The following DPEP1 variants were observed in gnomAD, a reference collection of about 807,000 sequenced individuals.
The protein encoded by DPEP1 is beta-lactamase.
In DPEP1, 50 loss-of-function variants were observed where a neutral mutation model predicts 42.3. The observed-to-expected ratio is 1.18, with a 90% CI of 0.94 to 1.50. DPEP1 has a LOEUF of 1.50. Ranked by LOEUF, DPEP1 falls within the 40% of genes most tolerant of loss-of-function variation. The probability of loss-of-function intolerance (pLI) is 0.00; values close to 1 mark genes in which losing one functional copy is unlikely to be tolerated. For missense variants in DPEP1, 663 were observed against 553.0 expected (o/e 1.20, Z -1.99); for synonymous variants, 297 against 234.0 (o/e 1.27, Z -2.46).
chr16:89,637,476 A>C lies in DPEP1; in HGVS notation c.777A>C (p.Thr259=). 6.2e-7 allele frequency: 1 copy of C among 1,612,844 alleles called. No individual in the cohort carries two copies. Among genetic ancestry groups the C allele is most frequent in the Non-Finnish European group, 8.5e-7 (1 of 1,179,976 alleles). The change falls in exon 8 of 11, where the codon ACA becomes ACC. Residue 259 remains threonine (T), a synonymous_variant. Coordinates refer to ENST00000690203, the MANE Select transcript of DPEP1 (RefSeq NM_001389466.1). ...TCTTCCTTCTTGTGCAGAAACAGACAGACAGCCTGGTGATGGTGAACTTCT... is the reference window on the plus strand; with the variant it reads ...TCTTCCTTCTTGTGCAGAAACAGACCGACAGCCTGGTGATGGTGAACTTCT... ...PDDVLRLVKQ[T]DSLVMVNFYN...
In DPEP1 at chr16:89,636,888, A is replaced by ACGGGAGACAGCGAGCC. The variant is rs1365055006; in HGVS notation, c.546_561dup (p.Gln188GlyfsTer68). ...CAGGGCTGACAACTGGCTGGTGGACACGGGAGACAGCGAGCCCCAGAGCCA... is the reference window on the plus strand; with the variant it reads ...CAGGGCTGACAACTGGCTGGTGGACACGGGAGACAGCGAGCCCGGGAGACAGCGAGCCCCAGAGCCA... On this transcript the variant is annotated frameshift_variant, in exon 6 of 11. Coordinates refer to ENST00000690203, the MANE Select transcript of DPEP1 (RefSeq NM_001389466.1). LOFTEE classifies it high-confidence loss of function. The ACGGGAGACAGCGAGCC allele has an allele frequency of 6.8e-6, 11 of 1,612,480 alleles. No individual in the cohort carries two copies. Among genetic ancestry groups the ACGGGAGACAGCGAGCC allele is most frequent in the Non-Finnish European group, 9.3e-6 (11 of 1,179,938 alleles).
intron 1 of DPEP1, among the ~76,000 whole-genome samples, chr16:89,629,053 C>T (rs2059551707): frequency 6.6e-6 from 1 of 152,180 alleles, no homozygotes; most frequent in Admixed American, 6.6e-5. Flanking sequence ...TCTTGAACTC[C>T]TGACCTCAAG....
At chr16:89,628,346 C>A (rs563749023) in intron 1 of DPEP1, among the ~76,000 whole-genome samples, 1 of 150,720 alleles carries the variant, frequency 6.6e-6, no homozygotes, top group Non-Finnish European at 1.5e-5. Flanking sequence ...CATCCTCCAC[C>A]TCCCGGATTC....
In DPEP1 at chr16:89,635,990, G is replaced by T. The variant is rs771945016; in HGVS notation, c.187G>T (p.Gly63Cys). The T allele has an allele frequency of 6.2e-7, 1 of 1,612,264 alleles. No homozygotes were observed. The change falls in exon 3 of 11, where the codon GGC (glycine) becomes TGC (cysteine). Residue 63 changes from glycine (G) to cysteine (C), a missense_variant. Gly to Cys is a radical substitution (Grantham distance 159, BLOSUM62 -3). Coordinates refer to ENST00000690203, the MANE Select transcript of DPEP1 (RefSeq NM_001389466.1). ...DERANLTTLA[G>C]THTNIPKLRA... ...GAGGGCCAACCTGACCACCTTGGCC[G>T]GCACACACACCAACATCCCCAAGCT...
At chr16:89,622,955 G>A (rs2059464680) in intron 1 of DPEP1, among the ~76,000 whole-genome samples, 1 of 152,136 alleles carries the variant, frequency 6.6e-6, no homozygotes, top group Non-Finnish European at 1.5e-5. Context: ...GGGAGCCAGA[G>A]AGGAGCTCAG....
At chr16:89,630,159 A>G in intron 1 of DPEP1, 146 bp from the exon 2 acceptor site, 1 of 340,058 alleles carries the variant, frequency 2.9e-6, no homozygotes, top group Non-Finnish European at 5.5e-6. Context: ...CCAGACAGCA[A>G]CGCCCAGTCA....
chr16:89,638,273 C>T lies in DPEP1; in HGVS notation c.*51C>T, dbSNP rs764445800. On this transcript the variant is annotated 3_prime_UTR_variant, in exon 11 of 11. Coordinates refer to ENST00000690203, the MANE Select transcript of DPEP1 (RefSeq NM_001389466.1). The stretch of plus-strand genomic sequence containing the variant: ...AGGGTTCCCGGAGCTCCGGGAAGAC[C>T]CGCCCATCCCAGGACTCCAGATGCC... 4.7e-6 allele frequency: 7 copies of T among 1,488,682 alleles called. No homozygotes were observed. Among genetic ancestry groups the T allele is most frequent in the Non-Finnish European group, 6.2e-6 (7 of 1,121,450 alleles). 92.2% of individuals were successfully genotyped at this position (1,488,682 alleles called of 1,614,324 possible). A position where few individuals can be genotyped will look rare whatever the true frequency, so the allele number is the denominator to read the frequency against.
At chr16:89,614,485 G>A (rs562855176) in intron 1 of DPEP1, among the ~76,000 whole-genome samples, 117 of 152,340 alleles carry the variant, frequency 7.7e-4, no homozygotes, top group Middle Eastern at 3.4e-3. Flanking sequence ...CAGGTGGAAA[G>A]GATTTGCTGA....
Position 89,630,526 on chromosome 16 carries a change from C to A in DPEP1, c.104+12C>A. The stretch of plus-strand genomic sequence containing the variant: ...CCTGTCATTGATGGGTGAGTGCTCA[C>A]CTGAGCCAGGTGCTTAGGGAACCAG... On this transcript the variant is annotated intron_variant, in intron 2 of 10. Coordinates refer to ENST00000690203, the MANE Select transcript of DPEP1 (RefSeq NM_001389466.1). 1 of 1,551,940 alleles carries A rather than the reference C, an allele frequency of 6.4e-7. No individual in the cohort carries two copies. Among genetic ancestry groups the A allele is most frequent in the Non-Finnish European group, 8.7e-7 (1 of 1,146,516 alleles).
chr16:89,630,242 A>G (rs1014236710), intron 1 of DPEP1, 63 bp from the exon 2 acceptor site: 9 of 496,800 alleles, frequency 1.8e-5, no homozygotes, highest in African/African-American at 1.6e-4. Context: ...ATGGGAAGCT[A>G]TAAACAGGAG....
At chr16:89,633,990 C>A (rs1014346928) in intron 2 of DPEP1, among the ~76,000 whole-genome samples, 1 of 152,204 alleles carries the variant, frequency 6.6e-6, no homozygotes, top group Non-Finnish European at 1.5e-5. Flanking sequence ...CCCTTCCCAT[C>A]CTCCTCACAG....
chr16:89,626,997 C>T (rs2059521926), intron 1 of DPEP1, among the ~76,000 whole-genome samples: 1 of 151,844 alleles, frequency 6.6e-6, no homozygotes, highest in Non-Finnish European at 1.5e-5. Context: ...TATGGTGGCT[C>T]ACACCTGTAA....
chr16:89,638,543 C>T (rs1237165204), downstream of DPEP1: 3 of 1,140,370 alleles, frequency 2.6e-6, no homozygotes, highest in East Asian at 4.8e-5. Context: ...GTCTTCGGTC[C>T]AGGCCAGAAG....
At chr16:89,614,397 C>T (rs949273050) in intron 1 of DPEP1, among the ~76,000 whole-genome samples, 4 of 152,236 alleles carry the variant, frequency 2.6e-5, no homozygotes, top group Middle Eastern at 3.2e-3. Flanking sequence ...ACTCTCTGTT[C>T]TGGAATTCTC....
chr16:89,641,129 C>T (rs922605163), downstream of DPEP1, among the ~76,000 whole-genome samples: 16 of 152,206 alleles, frequency 1.1e-4, no homozygotes, highest in African/African-American at 1.4e-4. Context: ...AAGGCAGAGC[C>T]AGGCGTACTG....
At chr16:89,619,980 A>T (rs1046561917) in intron 1 of DPEP1, among the ~76,000 whole-genome samples, 3 of 142,810 alleles carry the variant, frequency 2.1e-5, no homozygotes, top group Non-Finnish European at 4.6e-5. Flanking sequence ...GGGGTCCGGG[A>T]TAGGCCTGGC....
chr16:89,640,591 C>T (rs1369845565), downstream of DPEP1: 2 of 982,188 alleles, frequency 2.0e-6, no homozygotes, highest in Non-Finnish European at 2.4e-6. Flanking sequence ...GTTCCCCTCC[C>T]AGCCTGGCTG....
At position 89,638,034 on chromosome 16, in the gene DPEP1, G is replaced by C. The variant is rs182592284; in HGVS notation, c.1066-18G>C. Reference sequence around the variant, plus strand: ...CACCAGCAGGCAGGCTGCCCCACCCGTGTCTGTCTGTCCCCAGGCCAGCAA... The same window carrying C: ...CACCAGCAGGCAGGCTGCCCCACCCCTGTCTGTCTGTCCCCAGGCCAGCAA... On this transcript the variant is annotated intron_variant, in intron 10 of 10. Coordinates refer to ENST00000690203, the MANE Select transcript of DPEP1 (RefSeq NM_001389466.1). The C allele has an allele frequency of 4.0e-4, 643 of 1,611,240 alleles. 2 individuals are homozygous for C. The African/African-American group carries it at 7.7e-3, about 19-fold the overall frequency.
chr16:89,615,913 A>G (rs903253462), intron 1 of DPEP1, among the ~76,000 whole-genome samples: 4 of 152,014 alleles, frequency 2.6e-5, no homozygotes, highest in Admixed American at 6.5e-5. Context: ...TCACAGGCCC[A>G]TTTCACAGAT....
Sources: allele counts gnomAD v4.1 joint callset (sites outside exome capture counted in the v4.1 genomes callset), GRCh38; gene constraint gnomAD v4.1.1; transcripts MANE v1.5; gene names NCBI Gene and HGNC (gene_info 2026-07-23, HGNC 2026-07-21).